Variants in TRAPPC10 observed in about 807,000 individuals in gnomAD.
The protein encoded by TRAPPC10 is trafficking protein particle complex subunit 10.
Under a neutral mutation model 125.5 loss-of-function variants are expected in TRAPPC10, and 23 were observed. The observed-to-expected ratio is 0.18, with a 90% CI of 0.13 to 0.26. The LOEUF (loss-of-function observed/expected upper bound fraction) is 0.26, where lower values mean the gene tolerates loss of function less well. Among genes scored for constraint, TRAPPC10 ranks in the 10% least tolerant of loss-of-function variants. The probability of loss-of-function intolerance (pLI) is 1.00; values close to 1 mark genes in which losing one functional copy is unlikely to be tolerated. For synonymous variants in TRAPPC10, 509 were observed against 518.0 expected, an observed-to-expected ratio of 0.98 and a Z score of 0.24; for missense variants, 1,123 against 1,308.4, an observed-to-expected ratio of 0.86 and a Z score of 2.19.
At chr21:44,074,934 A>G (rs1421856433) in intron 8 of TRAPPC10, 105 bp from the exon 9 acceptor site, 3 of 869,694 alleles carry the variant, frequency 3.4e-6, no homozygotes, top group African/African-American at 3.4e-5. Flanking sequence ...GGAAAGCTAA[A>G]TTTCTTCTAG....
chr21:44,094,982 A>G (rs2146231234), intron 20 of TRAPPC10, among the ~76,000 whole-genome samples: 1 of 150,542 alleles, frequency 6.6e-6, no homozygotes, highest in East Asian at 1.9e-4. Flanking sequence ...AATAAATAAA[A>G]CCACAAATTA....
At chr21:44,021,061 G>T (rs2032452980) in intron 1 of TRAPPC10, among the ~76,000 whole-genome samples, 1 of 152,174 alleles carries the variant, frequency 6.6e-6, no homozygotes, top group South Asian at 2.1e-4. Context: ...AGCATTCTAA[G>T]AATTGAGTAA....
At chr21:44,058,544 G>C (rs1435672224) in intron 5 of TRAPPC10, among the ~76,000 whole-genome samples, 1 of 152,246 alleles carries the variant, frequency 6.6e-6, no homozygotes, top group Non-Finnish European at 1.5e-5. Flanking sequence ...TTGGGGTTCA[G>C]GTTTCCATGT....
rs926592238 is a variant in TRAPPC10, at chr21:44,046,900, G to A, written c.286-5380G>A. The A allele has an allele frequency of 4.8e-6, 4 of 828,816 alleles. No homozygotes were observed. In the African/African-American group the frequency reaches 5.1e-5, roughly 11 times the overall value. The allele number at this position is 828,816 out of a possible 1,614,324, so 51.3% of individuals were successfully genotyped here. ...CTGTGTTGTACACAGCGGCAGTCGCGCCCACACGTCCATGACTGGCCGTCC... is the reference window on the plus strand; with the variant it reads ...CTGTGTTGTACACAGCGGCAGTCGCACCCACACGTCCATGACTGGCCGTCC... On this transcript the variant is annotated intron_variant, in intron 3 of 22. Transcript: ENST00000291574.
At chr21:44,034,212 G>A (rs1310456054) in intron 2 of TRAPPC10, among the ~76,000 whole-genome samples, 1 of 152,190 alleles carries the variant, frequency 6.6e-6, no homozygotes, top group Non-Finnish European at 1.5e-5. Context: ...GATCTTGGAA[G>A]GCCCGGGTGA....
At chr21:44,080,174 C>A in intron 13 of TRAPPC10, 47 bp downstream of exon 13, 1 of 1,515,258 alleles carries the variant, frequency 6.6e-7, no homozygotes. Context: ...TCAAATATTA[C>A]AGAAGTAAAA....
At chr21:44,085,079 A>C (rs970541520) in intron 15 of TRAPPC10, among the ~76,000 whole-genome samples, 1 of 152,148 alleles carries the variant, frequency 6.6e-6, no homozygotes, top group African/African-American at 2.4e-5. Flanking sequence ...ACTGATGAGC[A>C]ACTCGACCTT....
intron 2 of TRAPPC10, 77 bp downstream of exon 2, chr21:44,032,249 T>A (rs2033633566): frequency 8.2e-7 from 1 of 1,226,070 alleles, no homozygotes; most frequent in Non-Finnish European, 1.2e-6. Context: ...AATAAGTATA[T>A]GTTGTTTAGA....
At chr21:44,023,365 A>G (rs1569141706) in intron 1 of TRAPPC10, among the ~76,000 whole-genome samples, 1 of 152,052 alleles carries the variant, frequency 6.6e-6, no homozygotes, top group Non-Finnish European at 1.5e-5. Context: ...GAGTTGGTTC[A>G]CTGGCATCTT....
intron 11 of TRAPPC10, among the ~76,000 whole-genome samples, chr21:44,079,139 A>C (rs1182356917): frequency 1.3e-5 from 2 of 152,214 alleles, no homozygotes; most frequent in African/African-American, 4.8e-5. Flanking sequence ...GTGTAGACCC[A>C]TACTTGGACT....
In TRAPPC10 at chr21:44,087,651, G is replaced by A. The variant is rs1175798611; in HGVS notation, c.2540-48G>A. Reference sequence around the variant, plus strand: ...TCACCTGCTGTAAGGAAAAGGACAAGTGAAACCGAGGGAACAGCTTTGAAG... The same window carrying A: ...TCACCTGCTGTAAGGAAAAGGACAAATGAAACCGAGGGAACAGCTTTGAAG... On this transcript the variant is annotated intron_variant, in intron 16 of 22. Transcript: ENST00000291574. The surrounding 1 kb of genome is among the most constrained non-coding windows in gnomAD (Gnocchi z 4.6). 1 of 1,558,698 alleles carries A rather than the reference G, an allele frequency of 6.4e-7. No homozygotes were observed. The highest frequency in any genetic ancestry group is 1.7e-5 in the Admixed American group (1 of 59,880).
chr21:44,057,170 G>A (rs1256113768), intron 5 of TRAPPC10, among the ~76,000 whole-genome samples: 2 of 152,162 alleles, frequency 1.3e-5, no homozygotes, highest in East Asian at 3.9e-4. Flanking sequence ...GGGGCTGGCA[G>A]AGGGAGAATG....
At chr21:44,012,665 G>A (rs1312759386) in intron 1 of TRAPPC10, 105 bp downstream of exon 1, 5 of 1,030,728 alleles carry the variant, frequency 4.9e-6, no homozygotes, top group East Asian at 6.4e-5. Flanking sequence ...CGCGCTCCGG[G>A]CTGGGCCGCT....
At chr21:44,032,809 C>T (rs759394653) in intron 2 of TRAPPC10, among the ~76,000 whole-genome samples, 3 of 152,136 alleles carry the variant, frequency 2.0e-5, no homozygotes, top group Admixed American at 6.5e-5. Context: ...AAGGCACAGG[C>T]GTTTTGCAAA....
At chr21:44,084,889 A>C (rs768016733) in intron 15 of TRAPPC10, among the ~76,000 whole-genome samples, 28 of 152,238 alleles carry the variant, frequency 1.8e-4, no homozygotes, top group Non-Finnish European at 3.7e-4. Context: ...TATAAGGGAT[A>C]TAGATGAAGA....
At chr21:44,021,628 A>G in intron 1 of TRAPPC10, among the ~76,000 whole-genome samples, 1 of 152,166 alleles carries the variant, frequency 6.6e-6, no homozygotes, top group East Asian at 1.9e-4. Flanking sequence ...TTTATCCACG[A>G]ATGGATGTTA....
chr21:44,019,866 C>T (rs1371581578), intron 1 of TRAPPC10, among the ~76,000 whole-genome samples: 1 of 152,178 alleles, frequency 6.6e-6, no homozygotes, highest in Non-Finnish European at 1.5e-5. Context: ...GGAGGTTTGT[C>T]CTTCGTGTAC....
At chr21:44,058,757 A>G (rs981555209) in intron 5 of TRAPPC10, among the ~76,000 whole-genome samples, 1 of 152,178 alleles carries the variant, frequency 6.6e-6, no homozygotes, top group African/African-American at 2.4e-5. Context: ...TCGGGGAGCG[A>G]GAGGAACCAG....
At chr21:44,054,637 G>T (rs2035444170) in intron 4 of TRAPPC10, among the ~76,000 whole-genome samples, 1 of 152,218 alleles carries the variant, frequency 6.6e-6, no homozygotes, top group South Asian at 2.1e-4. Context: ...AATCTGTTGG[G>T]AACTTTGTGT....
Sources: gnomAD v4.1 joint callset for allele counts (sites outside exome capture counted in the v4.1 genomes callset) on GRCh38, gnomAD v4.1.1 for gene constraint, Gnocchi (gnomAD v3.1) non-coding constraint, MANE v1.5 for transcripts, NCBI Gene and HGNC (gene_info 2026-07-23, HGNC 2026-07-21) for gene names.